SEMA5A: variants seen among roughly 807,000 people sequenced by gnomAD.
SEMA5A encodes semaphorin-5A.
In SEMA5A, 55 loss-of-function variants were observed where a neutral mutation model predicts 135.5. That is an observed-to-expected ratio of 0.41 (90% CI 0.33 to 0.51). The LOEUF is 0.51. Ranked by LOEUF, SEMA5A falls within the 20% of genes least tolerant of loss-of-function variation. The probability of loss-of-function intolerance (pLI) is 0.37; values close to 1 mark genes in which losing one functional copy is unlikely to be tolerated. For synonymous variants in SEMA5A, 580 were observed against 546.5 expected, an observed-to-expected ratio of 1.06 and a Z score of -0.85; for missense variants, 1,290 against 1,419.9, an observed-to-expected ratio of 0.91 and a Z score of 1.47.
intron 20 of SEMA5A, 40 bp downstream of exon 20, chr5:9,051,832 GA>G (rs1736594463): frequency 1.2e-6 from 2 of 1,610,602 alleles, no homozygotes; most frequent in Non-Finnish European, 1.7e-6. Context: ...CTCCATGTTG[GA>G]AATGATTTTA....
chr5:9,156,979 A>T lies in SEMA5A; in HGVS notation c.1274-2284T>A, dbSNP rs3026343. Among the ~76,000 whole-genome samples the T allele has an allele frequency of 9.9e-3, 1,503 of 152,376 alleles. 20 individuals carry two copies. The highest frequency in any genetic ancestry group is 0.034 in the African/African-American group (1,414 of 41,592). Reference sequence around the variant, plus strand: ...ATAAACTTTTACTGCATATTTCTGCATACCTTGTATCTGATTTTCCAACTA... The same window carrying T: ...ATAAACTTTTACTGCATATTTCTGCTTACCTTGTATCTGATTTTCCAACTA... On this transcript the variant is annotated intron_variant, in intron 11 of 22. Coordinates refer to ENST00000382496, the MANE Select transcript of SEMA5A (RefSeq NM_003966.3).
chr5:9,148,079 T>C (rs1043542074), intron 12 of SEMA5A, among the ~76,000 whole-genome samples: 6 of 151,866 alleles, frequency 4.0e-5, no homozygotes, highest in Admixed American at 2.0e-4. Context: ...GATAAAAGAT[T>C]AAGTGCACAC....
chr5:9,098,276 T>TAAATAAAA (rs1470983930), intron 16 of SEMA5A, among the ~76,000 whole-genome samples: 9 of 151,042 alleles, frequency 6.0e-5, no homozygotes, highest in South Asian at 2.1e-4. Context: ...AATAAATAAA[T>TAAATAAAA]AAAATGAACA....
At chr5:9,081,545 T>C (rs1738386014) in intron 16 of SEMA5A, among the ~76,000 whole-genome samples, 1 of 152,164 alleles carries the variant, frequency 6.6e-6, no homozygotes, top group Admixed American at 6.5e-5. Flanking sequence ...ATGATATTTC[T>C]CCAATGCTTT....
chr5:9,399,315 T>C (rs1579476797), intron 2 of SEMA5A, among the ~76,000 whole-genome samples: 1 of 152,320 alleles, frequency 6.6e-6, no homozygotes, highest in East Asian at 1.9e-4. Flanking sequence ...GTGGATGCTA[T>C]AACATGCTAT....
intron 16 of SEMA5A, among the ~76,000 whole-genome samples, chr5:9,100,731 C>T (rs1739582283): frequency 6.6e-6 from 1 of 152,048 alleles, no homozygotes; most frequent in Non-Finnish European, 1.5e-5. Flanking sequence ...GCTCCTATTC[C>T]CATGATGAAG....
intron 5 of SEMA5A, among the ~76,000 whole-genome samples, chr5:9,258,516 C>T (rs1749206324): frequency 6.6e-6 from 1 of 152,118 alleles, no homozygotes; most frequent in Admixed American, 6.6e-5. Flanking sequence ...CTTAAGTGTA[C>T]AAGACAATGG....
intron 8 of SEMA5A, among the ~76,000 whole-genome samples, chr5:9,221,355 T>C (rs1034039277): frequency 3.5e-5 from 5 of 141,478 alleles, no homozygotes; most frequent in Admixed American, 2.3e-4. Context: ...CAGGCTGGAG[T>C]GCAGTGGCGC....
intron 1 of SEMA5A, among the ~76,000 whole-genome samples, chr5:9,474,538 T>C (rs1313787503): frequency 6.6e-6 from 1 of 150,998 alleles, no homozygotes; most frequent in Non-Finnish European, 1.5e-5. Context: ...AGTCTACACA[T>C]GTTTTAAAGA....
intron 19 of SEMA5A, among the ~76,000 whole-genome samples, chr5:9,052,637 G>T (rs903728615): frequency 2.0e-5 from 3 of 152,104 alleles, no homozygotes; most frequent in Non-Finnish European, 4.4e-5. Flanking sequence ...TCTCGTGTTT[G>T]CTGTCTCTGA....
intron 15 of SEMA5A, among the ~76,000 whole-genome samples, chr5:9,118,007 T>G (rs568354570): frequency 5.3e-5 from 8 of 152,200 alleles, no homozygotes; most frequent in Non-Finnish European, 1.0e-4. Context: ...TGATTCTCCT[T>G]AGTTGATTTT....
At chr5:9,121,891 G>GT (rs1288678705) in intron 14 of SEMA5A, among the ~76,000 whole-genome samples, 1 of 152,086 alleles carries the variant, frequency 6.6e-6, no homozygotes, top group African/African-American at 2.4e-5. Context: ...GATTTCCACT[G>GT]TTAGTGACTT....
At chr5:9,417,350 A>G (rs1296657135) in intron 2 of SEMA5A, among the ~76,000 whole-genome samples, 1 of 152,256 alleles carries the variant, frequency 6.6e-6, no homozygotes. Context: ...TACCATATTT[A>G]CGTGTGCACA....
intron 3 of SEMA5A, among the ~76,000 whole-genome samples, chr5:9,339,225 A>G (rs764285150): frequency 2.0e-5 from 3 of 152,196 alleles, no homozygotes; most frequent in Non-Finnish European, 2.9e-5. Context: ...GTGTCTATCA[A>G]TGCAAGTGTT....
At chr5:9,201,689 A>G (rs780237989) in intron 9 of SEMA5A, among the ~76,000 whole-genome samples, 2 of 152,232 alleles carry the variant, frequency 1.3e-5, no homozygotes, top group African/African-American at 2.4e-5. Context: ...GGAGCAATTT[A>G]TAATAGAATA....
rs557823593 is a variant in SEMA5A, at chr5:9,279,298, T to C, written c.270+39074A>G. On this transcript the variant is annotated intron_variant, in intron 5 of 22. Transcript: ENST00000382496. The stretch of plus-strand genomic sequence containing the variant: ...CATGGGACCTCTAGACCCTTTGTTT[T>C]GGCCAATTTCTCCCATTTGGGATGT... 6.6e-5 allele frequency among the ~76,000 whole-genome samples: 10 copies of C among 152,342 alleles called. No individual in the cohort carries two copies. In the South Asian group the frequency reaches 2.1e-3, roughly 32 times the overall value.
At chr5:9,363,779 G>A (rs1345489095) in intron 3 of SEMA5A, among the ~76,000 whole-genome samples, 5 of 152,172 alleles carry the variant, frequency 3.3e-5, no homozygotes, top group Admixed American at 3.3e-4. Flanking sequence ...CAGTTACACG[G>A]TTCTGTCAAG....
intron 5 of SEMA5A, among the ~76,000 whole-genome samples, chr5:9,286,376 T>C (rs7737914): frequency 0.39 from 58,939 of 151,866 alleles, 12,040 homozygotes; most frequent in Middle Eastern, 0.52. Context: ...TATATGAACT[T>C]TTTTCCTACC....
At chr5:9,402,119 A>G (rs1756683060) in intron 2 of SEMA5A, among the ~76,000 whole-genome samples, 1 of 152,234 alleles carries the variant, frequency 6.6e-6, no homozygotes, top group African/African-American at 2.4e-5. Flanking sequence ...ATGTCAATCT[A>G]TAAAGGAGGA....
Sources: allele counts gnomAD v4.1 joint callset (sites outside exome capture counted in the v4.1 genomes callset), GRCh38; gene constraint gnomAD v4.1.1; transcripts MANE v1.5; gene names NCBI Gene and HGNC (gene_info 2026-07-23, HGNC 2026-07-21).